Variants in KCNJ6 observed in about 807,000 individuals in gnomAD.
KCNJ6 encodes G protein-activated inward rectifier potassium channel 2.
Under a neutral mutation model 34.2 loss-of-function variants are expected in KCNJ6, and 9 were observed. The observed-to-expected ratio is 0.26, with a 90% CI of 0.16 to 0.46. The LOEUF (loss-of-function observed/expected upper bound fraction) is 0.46, where lower values mean the gene tolerates loss of function less well. KCNJ6 is among the 20% of genes least tolerant of loss of function. The pLI is 1.00. For synonymous variants in KCNJ6, 196 were observed against 207.1 expected, an observed-to-expected ratio of 0.95 and a Z score of 0.46; for missense variants, 236 against 531.3, an observed-to-expected ratio of 0.44 and a Z score of 5.46.
At chr21:37,787,053 C>T (rs2055196036) in intron 2 of KCNJ6, among the ~76,000 whole-genome samples, 2 of 152,194 alleles carry the variant, frequency 1.3e-5, no homozygotes, top group South Asian at 4.1e-4. Flanking sequence ...TGATGTTACT[C>T]ATTTTTACTT....
chr21:37,621,804 T>C lies in KCNJ6; in HGVS notation c.*3355A>G, dbSNP rs1178052226. On this transcript the variant is annotated 3_prime_UTR_variant, in exon 4 of 4. Coordinates refer to ENST00000609713, the MANE Select transcript of KCNJ6 (RefSeq NM_002240.5). Reference sequence around the variant, plus strand: ...GCCTCATGGACATAGAGGGGATATATGCTGGAACAACCAGGCTGGAAGGCC... The same window carrying C: ...GCCTCATGGACATAGAGGGGATATACGCTGGAACAACCAGGCTGGAAGGCC... 3 of 152,148 alleles carry C rather than the reference T, an allele frequency of 2.0e-5. No homozygotes were observed. The highest frequency in any genetic ancestry group is 4.4e-5 in the Non-Finnish European group (3 of 68,026). 9.4% of individuals were successfully genotyped at this position (152,148 alleles called of 1,614,324 possible). A position where few individuals can be genotyped will look rare whatever the true frequency, so the allele number is the denominator to read the frequency against.
chr21:37,855,398 A>G (rs904484466), intron 1 of KCNJ6, among the ~76,000 whole-genome samples: 1 of 152,176 alleles, frequency 6.6e-6, no homozygotes. Flanking sequence ...CTGATCTTGG[A>G]GAATTAGCAT....
intron 2 of KCNJ6, among the ~76,000 whole-genome samples, chr21:37,769,500 A>G (rs1176457373): frequency 6.6e-6 from 1 of 151,648 alleles, no homozygotes; most frequent in Non-Finnish European, 1.5e-5. Flanking sequence ...TAGGCAATAT[A>G]TAAAAGCTAA....
At chr21:37,666,069 T>C (rs879700567) in intron 3 of KCNJ6, among the ~76,000 whole-genome samples, 7 of 152,178 alleles carry the variant, frequency 4.6e-5, no homozygotes, top group Admixed American at 4.6e-4. Context: ...GTTTTATCAC[T>C]TCCCATGTTG....
intron 1 of KCNJ6, among the ~76,000 whole-genome samples, chr21:37,845,449 G>A (rs2123583511): frequency 6.6e-6 from 1 of 152,150 alleles, no homozygotes; most frequent in South Asian, 2.1e-4. Context: ...GGTCTAGAAA[G>A]GTTTTTGTCA....
Position 37,619,848 on chromosome 21 carries a change from G to A in KCNJ6, c.*5311C>T, listed in dbSNP as rs1569430721. On this transcript the variant is annotated 3_prime_UTR_variant, in exon 4 of 4. Coordinates refer to ENST00000609713, the MANE Select transcript of KCNJ6 (RefSeq NM_002240.5). ...CTGGGCTGGGAATGCCCATTTCTCT[G>A]TAGTTCATTAAGGAGTAATTTTACT... 1 of 152,306 alleles carries A rather than the reference G, an allele frequency of 6.6e-6. No homozygotes were observed. The highest frequency in any genetic ancestry group is 1.9e-4 in the East Asian group (1 of 5,174). 9.4% of individuals were successfully genotyped at this position (152,306 alleles called of 1,614,324 possible).
intron 2 of KCNJ6, among the ~76,000 whole-genome samples, chr21:37,774,353 T>A (rs1179408947): frequency 3.3e-5 from 5 of 151,058 alleles, no homozygotes; most frequent in Admixed American, 3.3e-4. Context: ...GGGCTATTCT[T>A]TTTTTTTTAT....
At chr21:37,631,256 G>A (rs978190487) in intron 3 of KCNJ6, among the ~76,000 whole-genome samples, 5 of 152,292 alleles carry the variant, frequency 3.3e-5, no homozygotes, top group African/African-American at 1.2e-4. Flanking sequence ...CATTGGCCAT[G>A]TCTGAAATGT....
intron 3 of KCNJ6, among the ~76,000 whole-genome samples, chr21:37,699,304 G>GC (rs1213043149): frequency 6.6e-6 from 1 of 152,180 alleles, no homozygotes; most frequent in Non-Finnish European, 1.5e-5. Context: ...CTCAGCTTCG[G>GC]CCCCCTTGCC....
rs2055721789 is a variant in KCNJ6, at chr21:37,883,831, C to A, written c.-28+32053G>T. Among the ~76,000 whole-genome samples the A allele has an allele frequency of 1.3e-5, 2 of 152,076 alleles. 1 individual carries two copies. The highest frequency in any genetic ancestry group is 4.1e-4 in the South Asian group (2 of 4,820). ...GCTTGACAGTTAAGCATTTTGAATC[C>A]CTTGGTAGGTATAAACCTTTAATGT... On this transcript the variant is annotated intron_variant, in intron 1 of 3. Coordinates refer to ENST00000609713, the MANE Select transcript of KCNJ6 (RefSeq NM_002240.5).
intron 2 of KCNJ6, among the ~76,000 whole-genome samples, chr21:37,757,660 G>GT (rs2055037254): frequency 6.7e-6 from 1 of 149,272 alleles, no homozygotes. Context: ...CTCCCTCACA[G>GT]ATTCCAGCCT....
intron 3 of KCNJ6, among the ~76,000 whole-genome samples, chr21:37,655,410 A>G (rs2054459216): frequency 6.6e-6 from 1 of 152,218 alleles, no homozygotes; most frequent in African/African-American, 2.4e-5. Context: ...GAAATTATTT[A>G]TGAAGAAGCT....
rs1428112726 is a variant in KCNJ6 at position 37,618,295 on chromosome 21, G to A, written c.*6864C>T. 3.3e-5 allele frequency: 5 copies of A among 152,214 alleles called. No individual in the cohort carries two copies. Among genetic ancestry groups the A allele is most frequent in the Non-Finnish European group, 5.9e-5 (4 of 68,036 alleles). 9.4% of individuals were successfully genotyped at this position (152,214 alleles called of 1,614,324 possible). A position where few individuals can be genotyped will look rare whatever the true frequency, so the allele number is the denominator to read the frequency against. ...AGTTGTGTTTAGTGATAAGACCCAA[G>A]ACTGACATACTCCATAAGGCATTCA... On this transcript the variant is annotated 3_prime_UTR_variant, in exon 4 of 4. Coordinates refer to ENST00000609713, the MANE Select transcript of KCNJ6 (RefSeq NM_002240.5).
chr21:37,705,531 AATTG>A (rs1480010494), intron 3 of KCNJ6, among the ~76,000 whole-genome samples: 4 of 152,204 alleles, frequency 2.6e-5, no homozygotes, highest in African/African-American at 7.2e-5. Flanking sequence ...TCACTCTCTT[AATTG>A]ATTGAGCACC....
At chr21:37,825,966 A>G (rs1396280863) in intron 2 of KCNJ6, among the ~76,000 whole-genome samples, 3 of 152,114 alleles carry the variant, frequency 2.0e-5, no homozygotes, top group Non-Finnish European at 2.9e-5. Context: ...GAATTTTGGG[A>G]GCTACAATTC....
chr21:37,616,071 A>T lies in KCNJ6; in HGVS notation c.*9088T>A, dbSNP rs2123352816. On this transcript the variant is annotated 3_prime_UTR_variant, in exon 4 of 4. Transcript: ENST00000609713. Reference sequence around the variant, plus strand: ...CTTGGGTTCTCCCAAGGCTGTCTGCAGGTGGAGCAGCCCTAGGGAGCCTCC... The same window carrying T: ...CTTGGGTTCTCCCAAGGCTGTCTGCTGGTGGAGCAGCCCTAGGGAGCCTCC... The T allele has an allele frequency of 6.6e-6, 1 of 152,258 alleles. No homozygotes were observed. Among genetic ancestry groups the T allele is most frequent in the Non-Finnish European group, 1.5e-5 (1 of 68,016 alleles). The allele number at this position is 152,258 out of a possible 1,614,324, so 9.4% of individuals were successfully genotyped here. A position where few individuals can be genotyped will look rare whatever the true frequency, so the allele number is the denominator to read the frequency against.
At chr21:37,655,929 T>C (rs2054461754) in intron 3 of KCNJ6, among the ~76,000 whole-genome samples, 1 of 152,212 alleles carries the variant, frequency 6.6e-6, no homozygotes, top group Non-Finnish European at 1.5e-5. Context: ...TCTCTTTTTC[T>C]CTTTCCCACA....
chr21:37,857,063 G>T (rs2055569078), intron 1 of KCNJ6, among the ~76,000 whole-genome samples: 3 of 152,182 alleles, frequency 2.0e-5, no homozygotes, highest in Non-Finnish European at 4.4e-5. Context: ...TAAATAATAT[G>T]CATTTCTTTA....
chr21:37,834,139 C>A (rs1161048886), intron 2 of KCNJ6, among the ~76,000 whole-genome samples: 2 of 152,232 alleles, frequency 1.3e-5, no homozygotes, highest in Non-Finnish European at 2.9e-5. Flanking sequence ...CTGCAATCCA[C>A]GCCATGATGC....
Sources: allele counts gnomAD v4.1 joint callset (sites outside exome capture counted in the v4.1 genomes callset), GRCh38; gene constraint gnomAD v4.1.1; transcripts MANE v1.5; gene names NCBI Gene and HGNC (gene_info 2026-07-23, HGNC 2026-07-21).